Variants in NPSR1 observed in about 807,000 individuals in gnomAD.
NPSR1 encodes neuropeptide S receptor 1.
NPSR1 carries 48 observed loss-of-function variants against 46.9 expected under a neutral mutation model. The observed-to-expected ratio is 1.02, with a 90% CI of 0.81 to 1.30. The LOEUF (loss-of-function observed/expected upper bound fraction) is 1.30, where lower values mean the gene tolerates loss of function less well. Among genes scored for constraint, NPSR1 ranks in the 50% most tolerant of loss-of-function variants. The probability of loss-of-function intolerance (pLI) is 0.00; values close to 1 mark genes in which losing one functional copy is unlikely to be tolerated. For missense variants in NPSR1, 450 were observed against 449.5 expected, an observed-to-expected ratio of 1.00 and a Z score of -0.01; for synonymous variants, 176 against 168.1, an observed-to-expected ratio of 1.05 and a Z score of -0.36.
chr7:34,830,093 G>T (rs534668719), intron 5 of NPSR1, among the ~76,000 whole-genome samples: 1 of 152,338 alleles, frequency 6.6e-6, no homozygotes, highest in South Asian at 2.1e-4. Context: ...CAGGCCCTGG[G>T]GGGGCGAGTT....
At chr7:34,753,818 A>T (rs973051893) in intron 2 of NPSR1, 7 of 152,214 alleles carry the variant, frequency 4.6e-5, no homozygotes, top group African/African-American at 1.7e-4. Context: ...CCAGGGCAAC[A>T]TGGCGAGACC....
intron 3 of NPSR1, among the ~76,000 whole-genome samples, chr7:34,797,433 G>T (rs769462284): frequency 2.0e-5 from 3 of 152,024 alleles, no homozygotes; most frequent in Non-Finnish European, 4.4e-5. Flanking sequence ...GGGGACAGGG[G>T]GTTTATGGGA....
chr7:34,832,549 C>CT (rs1319337110), intron 5 of NPSR1, among the ~76,000 whole-genome samples: 7 of 152,220 alleles, frequency 4.6e-5, no homozygotes, highest in African/African-American at 1.7e-4. Context: ...ACGCAGATGT[C>CT]TCTTTGATGC....
At chr7:34,720,462 T>G (rs151172186) in intron 2 of NPSR1, among the ~76,000 whole-genome samples, 1 of 152,166 alleles carries the variant, frequency 6.6e-6, no homozygotes, top group East Asian at 1.9e-4. Context: ...TGGGGAAATA[T>G]GGGCAGGATG....
chr7:34,667,807 T>C (rs1791825353), intron 1 of NPSR1, among the ~76,000 whole-genome samples: 1 of 151,890 alleles, frequency 6.6e-6, no homozygotes, highest in Non-Finnish European at 1.5e-5. Context: ...AGCTTGGACT[T>C]TGCACGCTCA....
intron 2 of NPSR1, among the ~76,000 whole-genome samples, chr7:34,688,306 A>G (rs560038258): frequency 7.9e-5 from 12 of 152,352 alleles, no homozygotes; most frequent in Non-Finnish European, 1.5e-4. Context: ...CCAGGAAGGC[A>G]ACAATACAAT....
Position 34,834,125 on chromosome 7 carries a change from C to A in NPSR1, c.681-259C>A, listed in dbSNP as rs1280164573. ...TTCTAATCACAGCTCTCCCTCAAAC[C>A]ATTTGGGCTACCTTGAGGAAACTGC... On this transcript the variant is annotated intron_variant, in intron 5 of 8. Transcript: ENST00000360581. The A allele has an allele frequency of 1.2e-5, 6 of 493,476 alleles. No homozygotes were observed. In the Admixed American group the frequency reaches 2.1e-4, roughly 17 times the overall value. 30.6% of individuals were successfully genotyped at this position (493,476 alleles called of 1,614,324 possible).
chr7:34,733,867 G>C (rs941636385), intron 2 of NPSR1, among the ~76,000 whole-genome samples: 1 of 152,096 alleles, frequency 6.6e-6, no homozygotes, highest in African/African-American at 2.4e-5. Context: ...TTTCTCTTAC[G>C]AATGCCGAGG....
At chr7:34,667,918 A>T (rs899754502) in intron 1 of NPSR1, among the ~76,000 whole-genome samples, 2 of 152,076 alleles carry the variant, frequency 1.3e-5, no homozygotes, top group Admixed American at 6.5e-5. Flanking sequence ...TTAGCAAAAA[A>T]AACCATTCTA....
intron 2 of NPSR1, chr7:34,728,961 A>G (rs1021676071): frequency 4.6e-5 from 7 of 152,424 alleles, no homozygotes; most frequent in Admixed American, 3.3e-4. Context: ...CAAGAGAAGA[A>G]TGAAAGTTAA....
chr7:34,773,314 C>A (rs1346129653), intron 2 of NPSR1, among the ~76,000 whole-genome samples: 1 of 152,170 alleles, frequency 6.6e-6, no homozygotes, highest in Non-Finnish European at 1.5e-5. Context: ...ACAGCTACTT[C>A]TGTCTGGTGA....
chr7:34,740,589 C>G (rs1167472046), intron 2 of NPSR1, among the ~76,000 whole-genome samples: 1 of 152,206 alleles, frequency 6.6e-6, no homozygotes, highest in Non-Finnish European at 1.5e-5. Flanking sequence ...GCTGCTTCCT[C>G]TACCCCTGTA....
rs183546576 is a variant in NPSR1, at chr7:34,712,739, G to C, written c.280+28055G>C. ...AAATAAAAGTTGGGGGTTTAAAAAG[G>C]CTACTTAATTACTTCTGAGAAAAAA... On this transcript the variant is annotated intron_variant, in intron 2 of 8. Coordinates refer to ENST00000360581, the MANE Select transcript of NPSR1 (RefSeq NM_207172.2). 7.2e-5 allele frequency among the ~76,000 whole-genome samples: 11 copies of C among 152,292 alleles called. 2 individuals are homozygous for C. The highest frequency in any genetic ancestry group is 6.2e-4 in the South Asian group (3 of 4,824).
At chr7:34,676,376 G>A (rs1329520678) in intron 1 of NPSR1, among the ~76,000 whole-genome samples, 1 of 152,138 alleles carries the variant, frequency 6.6e-6, no homozygotes, top group Non-Finnish European at 1.5e-5. Context: ...CAAAAACTGA[G>A]TCCAGGTCAG....
intron 3 of NPSR1, among the ~76,000 whole-genome samples, chr7:34,790,743 T>C (rs1489117613): frequency 8.1e-6 from 1 of 122,846 alleles, no homozygotes; most frequent in Non-Finnish European, 1.6e-5. Context: ...ATATGTTATA[T>C]ATAATATATG....
intron 1 of NPSR1, among the ~76,000 whole-genome samples, chr7:34,679,547 A>C (rs1562646386): frequency 6.6e-6 from 1 of 152,182 alleles, no homozygotes; most frequent in Non-Finnish European, 1.5e-5. Context: ...AAGCGAAACT[A>C]CATATAATAA....
intron 3 of NPSR1, among the ~76,000 whole-genome samples, chr7:34,794,818 T>C (rs1788099302): frequency 6.6e-6 from 1 of 152,116 alleles, no homozygotes; most frequent in Non-Finnish European, 1.5e-5. Flanking sequence ...AACAAATTTA[T>C]AAAAATAATT....
intron 8 of NPSR1, among the ~76,000 whole-genome samples, chr7:34,860,946 G>T (rs546815275): frequency 6.6e-6 from 1 of 151,934 alleles, no homozygotes; most frequent in African/African-American, 2.4e-5. Context: ...ATAGACAGCC[G>T]TTGCTGTAAC....
At chr7:34,678,525 A>C (rs1268876240) in intron 1 of NPSR1, among the ~76,000 whole-genome samples, 1 of 152,164 alleles carries the variant, frequency 6.6e-6, no homozygotes, top group Non-Finnish European at 1.5e-5. Flanking sequence ...AGGACATTGC[A>C]TTAAGAAAAG....
Sources: allele counts gnomAD v4.1 joint callset (sites outside exome capture counted in the v4.1 genomes callset), GRCh38; gene constraint gnomAD v4.1.1; transcripts MANE v1.5; gene names NCBI Gene and HGNC (gene_info 2026-07-23, HGNC 2026-07-21).